The following UGGT2 variants were observed in gnomAD, a reference collection of about 807,000 sequenced individuals.
UGGT2 encodes UDP-glucose:glycoprotein glucosyltransferase 2.
In UGGT2, 180 loss-of-function variants were observed where a neutral mutation model predicts 192.1. The observed-to-expected ratio is 0.94, with a 90% CI of 0.83 to 1.06. The LOEUF (loss-of-function observed/expected upper bound fraction) is 1.06. UGGT2 is among the 50% of genes least tolerant of loss of function. The probability of loss-of-function intolerance (pLI) is 0.00; values close to 1 mark genes in which losing one functional copy is unlikely to be tolerated. For synonymous variants in UGGT2, 580 were observed against 591.0 expected (o/e 0.98, Z 0.27); for missense variants, 1,849 against 1,795.7 (o/e 1.03, Z -0.54).
intron 12 of UGGT2, among the ~76,000 whole-genome samples, chr13:95,964,837 C>T (rs1471089073): frequency 2.6e-5 from 4 of 152,128 alleles, no homozygotes; most frequent in African/African-American, 9.7e-5. Context: ...ATTTTCGCAA[C>T]CTACCCATCT....
chr13:96,053,154 C>CAG lies in UGGT2; in HGVS notation c.158_158+1insCT (p.Glu54LeufsTer22). 1 of 1,509,544 alleles carries CAG rather than the reference C, an allele frequency of 6.6e-7. No homozygotes were observed. Among genetic ancestry groups the CAG allele is most frequent in the South Asian group, 1.2e-5 (1 of 81,512 alleles). The allele number at this position is 1,509,544 out of a possible 1,614,324, so 93.5% of individuals were successfully genotyped here. On this transcript the variant is annotated frameshift_variant and splice_region_variant. Coordinates refer to ENST00000376747, the MANE Select transcript of UGGT2 (RefSeq NM_020121.4). LOFTEE classifies it high-confidence loss of function. ...CGGACGAGGGCCCGGCCCGCACCCACCTTGCCTCCAGCAGCAGCGGGGTCT... is the reference window on the plus strand; with the variant it reads ...CGGACGAGGGCCCGGCCCGCACCCACAGCTTGCCTCCAGCAGCAGCGGGGTCT...
chr13:95,830,715 T>C, intron 38 of UGGT2, among the ~76,000 whole-genome samples: 1 of 152,194 alleles, frequency 6.6e-6, no homozygotes. Context: ...TGGAAGTCAG[T>C]GTGGCGATTC....
chr13:95,844,347 A>G (rs1319549149), intron 36 of UGGT2, among the ~76,000 whole-genome samples: 1 of 152,252 alleles, frequency 6.6e-6, no homozygotes, highest in African/African-American at 2.4e-5. Context: ...TAATAAATAT[A>G]GAAAAAATAG....
intron 22 of UGGT2, among the ~76,000 whole-genome samples, chr13:95,898,180 C>CT (rs1296004679): frequency 6.6e-6 from 1 of 152,138 alleles, no homozygotes; most frequent in Admixed American, 6.6e-5. Flanking sequence ...AACTGGCTCC[C>CT]TGACCCCCTA....
intron 23 of UGGT2, 30 bp from the exon 24 acceptor site, chr13:95,894,687 T>A: frequency 6.4e-7 from 1 of 1,568,684 alleles, no homozygotes; most frequent in Non-Finnish European, 8.7e-7. Context: ...AGTGTATGAG[T>A]TTTTTGGAAA....
intron 15 of UGGT2, among the ~76,000 whole-genome samples, chr13:95,940,459 T>C (rs1171758171): frequency 6.8e-6 from 1 of 147,438 alleles, no homozygotes; most frequent in Non-Finnish European, 1.5e-5. Context: ...CTTTTTCTTT[T>C]TTTTTTTTTT....
At chr13:95,946,745 C>T (rs959781565) in intron 15 of UGGT2, among the ~76,000 whole-genome samples, 3 of 152,140 alleles carry the variant, frequency 2.0e-5, no homozygotes, top group African/African-American at 7.2e-5. Flanking sequence ...ATATGTTTTC[C>T]TCTAAAGTTA....
In UGGT2 at chr13:95,884,526, T is replaced by C. The variant is rs1020087997; in HGVS notation, c.3193A>G (p.Ser1065Gly). 2 of 1,613,760 alleles carry C rather than the reference T, an allele frequency of 1.2e-6. No individual in the cohort carries two copies. Among genetic ancestry groups the C allele is most frequent in the Admixed American group, 3.3e-5 (2 of 59,982 alleles). ...PEGWLVETVH[S>G]NCDLDNIHLK... ...TGAATATTATCAAGGTCACAGTTGC[T>C]GTGCACTGTTTCAACCAACCAGCCT... The change falls in exon 27 of 39, where the codon AGC becomes GGC. Residue 1065 changes from serine to glycine, a missense_variant. Transcript: ENST00000376747.
rs779183301 is a variant in UGGT2, at chr13:96,031,916, GCA to G, written c.212_213del (p.Val71AlafsTer7). ...GTTTGCTTATAAATTGCTAATTCTTGCACAGTTTCCAAAAACTGCCAAAATTT... is the reference window on the plus strand; with the variant it reads ...GTTTGCTTATAAATTGCTAATTCTTGCAGTTTCCAAAAACTGCCAAAATTT... ...NEKFWQFLET[V>X]QELAIYKQTE... On this transcript the variant is annotated frameshift_variant, in exon 2 of 39. Transcript: ENST00000376747. LOFTEE classifies it high-confidence loss of function. The G allele has an allele frequency of 2.7e-5, 44 of 1,609,830 alleles. No homozygotes were observed. The highest frequency in any genetic ancestry group is 3.5e-5 in the Non-Finnish European group (41 of 1,178,252).
At chr13:95,977,990 A>T (rs1266721749) in intron 10 of UGGT2, among the ~76,000 whole-genome samples, 1 of 152,108 alleles carries the variant, frequency 6.6e-6, no homozygotes, top group African/African-American at 2.4e-5. Context: ...GGAGATGAAC[A>T]ATGAGAACAC....
intron 15 of UGGT2, among the ~76,000 whole-genome samples, chr13:95,946,692 A>G (rs1400473691): frequency 1.3e-5 from 2 of 152,140 alleles, no homozygotes; most frequent in African/African-American, 4.8e-5. Flanking sequence ...CTTTAATCAA[A>G]GCCTAGTTCA....
chr13:95,845,238 G>A (rs574724539), intron 36 of UGGT2, among the ~76,000 whole-genome samples: 138 of 151,522 alleles, frequency 9.1e-4, no homozygotes, highest in Non-Finnish European at 1.5e-3. Flanking sequence ...GGGATTTGGC[G>A]GGGTCATAGG....
chr13:95,802,810 CTTTT>C (rs970002882), intron 38 of UGGT2, among the ~76,000 whole-genome samples: 1 of 143,726 alleles, frequency 7.0e-6, no homozygotes, highest in Non-Finnish European at 1.5e-5. Flanking sequence ...ATTAGCTATC[CTTTT>C]TTGTTTGTTT....
At chr13:95,958,792 G>C (rs2050294107) in intron 12 of UGGT2, among the ~76,000 whole-genome samples, 2 of 152,142 alleles carry the variant, frequency 1.3e-5, no homozygotes, top group Admixed American at 1.3e-4. Flanking sequence ...AAATAAGGCA[G>C]ACTGCTAGGC....
intron 1 of UGGT2, among the ~76,000 whole-genome samples, chr13:96,052,658 AG>A (rs2053518916): frequency 6.6e-6 from 1 of 152,248 alleles, no homozygotes; most frequent in African/African-American, 2.4e-5. Flanking sequence ...AAAATGCAAT[AG>A]CTACAAGTTT....
At chr13:95,867,068 C>G (rs868280138) in intron 30 of UGGT2, among the ~76,000 whole-genome samples, 2 of 151,886 alleles carry the variant, frequency 1.3e-5, no homozygotes, top group Non-Finnish European at 2.9e-5. Context: ...TCTCTAGAGT[C>G]CAATTTGTAA....
At position 95,859,531 on chromosome 13, in the gene UGGT2, T is replaced by C. The variant is rs558796622; in HGVS notation, c.3825+60A>G. On this transcript the variant is annotated intron_variant, in intron 33 of 38. Coordinates refer to ENST00000376747, the MANE Select transcript of UGGT2 (RefSeq NM_020121.4). ...AGAGAAATATCATATAAACTTACAA[T>C]GATACAAATAATTTACTATTCAAAC... The C allele has an allele frequency of 8.5e-5, 110 of 1,289,116 alleles. No homozygotes were observed. In the African/African-American group the frequency reaches 1.5e-3, roughly 17 times the overall value. The allele number at this position is 1,289,116 out of a possible 1,614,324, so 79.9% of individuals were successfully genotyped here.
chr13:95,971,919 T>C (rs2050785129), intron 11 of UGGT2, among the ~76,000 whole-genome samples: 1 of 152,186 alleles, frequency 6.6e-6, no homozygotes, highest in Admixed American at 6.5e-5. Context: ...CAAAAGTATA[T>C]TCAATTGAAT....
chr13:95,835,561 A>G (rs879277346), intron 37 of UGGT2, among the ~76,000 whole-genome samples: 2 of 152,178 alleles, frequency 1.3e-5, no homozygotes, highest in Non-Finnish European at 2.9e-5. Flanking sequence ...CTGGCATGCT[A>G]TTTTTAAAAT....
Sources: allele counts gnomAD v4.1 joint callset (sites outside exome capture counted in the v4.1 genomes callset), GRCh38; gene constraint gnomAD v4.1.1; transcripts MANE v1.5; gene names NCBI Gene and HGNC (gene_info 2026-07-23, HGNC 2026-07-21).